The following RERE variants were observed in gnomAD, a reference collection of about 807,000 sequenced individuals.
The protein encoded by RERE is arginine-glutamic acid dipeptide repeats protein.
A neutral mutation model predicts 146.1 loss-of-function variants in RERE; 40 were observed. The observed-to-expected ratio is 0.27, with a 90% CI of 0.21 to 0.36. The LOEUF (loss-of-function observed/expected upper bound fraction) is 0.36. Ranked by LOEUF, RERE falls within the 10% of genes least tolerant of loss-of-function variation. RERE has a pLI of 1.00. For synonymous variants in RERE, 1,003 were observed against 866.0 expected, an observed-to-expected ratio of 1.16 and a Z score of -2.78; for missense variants, 1,933 against 2,138.7, an observed-to-expected ratio of 0.90 and a Z score of 1.90.
In RERE at chr1:8,646,556, C is replaced by CAA. The variant is rs568370827; in HGVS notation, c.325+9415_325+9416dup. Among the ~76,000 whole-genome samples, 20 of 144,286 alleles carry CAA rather than the reference C, an allele frequency of 1.4e-4. No homozygotes were observed. The East Asian group carries it at 3.0e-3, about 22-fold the overall frequency. The allele number at this position is 144,286 out of a possible 152,430, so 94.7% of individuals were successfully genotyped here. On this transcript the variant is annotated intron_variant, in intron 2 of 22. Transcript: ENST00000400908. ...CGCCACTCAAAAAAAAACAAACAAA[C>CAA]AAAAAAAAAACAGGGTCATCATTGC...
At chr1:8,780,044 TAGTC>T (rs1174272736) in intron 1 of RERE, among the ~76,000 whole-genome samples, 1 of 152,032 alleles carries the variant, frequency 6.6e-6, no homozygotes, top group African/African-American at 2.4e-5. Context: ...ATACAAAAAT[TAGTC>T]AGGCATGGTG....
At chr1:8,435,552 A>G (rs1342293749) in intron 11 of RERE, among the ~76,000 whole-genome samples, 1 of 152,206 alleles carries the variant, frequency 6.6e-6, no homozygotes, top group Non-Finnish European at 1.5e-5. Flanking sequence ...CAAACCCACT[A>G]GAGGAACTAC....
At chr1:8,408,390 A>G (rs547175610) in intron 12 of RERE, among the ~76,000 whole-genome samples, 3 of 152,284 alleles carry the variant, frequency 2.0e-5, no homozygotes, top group South Asian at 2.1e-4. Context: ...AGGGAAAAAG[A>G]TTTCACAAAA....
intron 2 of RERE, among the ~76,000 whole-genome samples, chr1:8,643,120 G>T (rs1236091266): frequency 6.6e-6 from 1 of 152,150 alleles, no homozygotes; most frequent in Non-Finnish European, 1.5e-5. Flanking sequence ...TGTGAAAGGT[G>T]GGGGGATCCA....
At position 8,750,590 on chromosome 1, in the gene RERE, A is replaced by T. The variant is rs573093538; in HGVS notation, c.-145+66570T>A. The stretch of plus-strand genomic sequence containing the variant: ...GAAGAAGCTTATTTATGAAAAAGCA[A>T]AGCACTATCACAAGGAATATAGGCA... On this transcript the variant is annotated intron_variant, in intron 1 of 22. Coordinates refer to ENST00000400908, the MANE Select transcript of RERE (RefSeq NM_001042681.2). The T allele has an allele frequency of 2.7e-5, 27 of 1,005,548 alleles. No individual in the cohort carries two copies. The East Asian group carries it at 5.9e-4, about 22-fold the overall frequency. 62.3% of individuals were successfully genotyped at this position (1,005,548 alleles called of 1,614,324 possible). A position where few individuals can be genotyped will look rare whatever the true frequency, so the allele number is the denominator to read the frequency against.
intron 7 of RERE, among the ~76,000 whole-genome samples, chr1:8,535,088 C>T (rs1645707853): frequency 1.3e-5 from 2 of 151,888 alleles, no homozygotes; most frequent in South Asian, 2.1e-4. Flanking sequence ...GCACTTAAAC[C>T]GTACCTACGA....
chr1:8,706,863 A>G (rs1346079984), intron 1 of RERE, among the ~76,000 whole-genome samples: 1 of 152,248 alleles, frequency 6.6e-6, no homozygotes, highest in African/African-American at 2.4e-5. Context: ...AGGAAAAATC[A>G]AAGTTATTAC....
At chr1:8,575,869 C>CGAA (rs1317895004) in intron 4 of RERE, among the ~76,000 whole-genome samples, 1 of 151,992 alleles carries the variant, frequency 6.6e-6, no homozygotes, top group Admixed American at 6.5e-5. Context: ...AACTGAGAAA[C>CGAA]ATTCTACAAT....
chr1:8,574,759 G>A (rs989167743), intron 4 of RERE, among the ~76,000 whole-genome samples: 30 of 152,190 alleles, frequency 2.0e-4, no homozygotes, highest in Non-Finnish European at 2.9e-5. Context: ...AGAGCTCACA[G>A]CAGTAGTTAC....
chr1:8,665,099 C>T (rs1465147685), intron 1 of RERE, among the ~76,000 whole-genome samples: 1 of 152,204 alleles, frequency 6.6e-6, no homozygotes, highest in Non-Finnish European at 1.5e-5. Context: ...ACACTCCTTC[C>T]TACCCAGAGT....
At chr1:8,780,624 C>T (rs1641146621) in intron 1 of RERE, among the ~76,000 whole-genome samples, 1 of 152,096 alleles carries the variant, frequency 6.6e-6, no homozygotes, top group African/African-American at 2.4e-5. Context: ...GTGATTTCAC[C>T]CGCTGGAAAT....
At chr1:8,619,036 AT>A (rs1265271961) in intron 3 of RERE, among the ~76,000 whole-genome samples, 2 of 152,216 alleles carry the variant, frequency 1.3e-5, no homozygotes, top group Non-Finnish European at 2.9e-5. Context: ...AACTGCTCAC[AT>A]TTGACAATGA....
chr1:8,704,936 G>C (rs1054933805), intron 1 of RERE, among the ~76,000 whole-genome samples: 3 of 152,140 alleles, frequency 2.0e-5, no homozygotes, highest in African/African-American at 7.2e-5. Flanking sequence ...CATCCTGAGG[G>C]GGACCTGTGA....
intron 1 of RERE, among the ~76,000 whole-genome samples, chr1:8,657,108 C>T (rs1484966394): frequency 6.6e-6 from 1 of 151,976 alleles, no homozygotes; most frequent in African/African-American, 2.4e-5. Context: ...CAAGATCATC[C>T]TTGCTAATGT....
chr1:8,805,265 C>T (rs1641668150), intron 1 of RERE, among the ~76,000 whole-genome samples: 2 of 152,070 alleles, frequency 1.3e-5, no homozygotes, highest in Non-Finnish European at 2.9e-5. Flanking sequence ...CTAATCCCAG[C>T]ACTTTAGGAA....
intron 2 of RERE, among the ~76,000 whole-genome samples, chr1:8,627,702 A>G (rs756094934): frequency 2.0e-5 from 3 of 152,208 alleles, no homozygotes; most frequent in African/African-American, 4.8e-5. Context: ...TATACTTTAA[A>G]TAATCCATAG....
chr1:8,593,286 A>C lies in RERE; in HGVS notation c.522+21275T>G, dbSNP rs149600395. Reference sequence around the variant, plus strand: ...TCTGATAAGGGTCAGCTGTGTCCCCACCCAAATCTCATCTTGAATTGTAGC... The same window carrying C: ...TCTGATAAGGGTCAGCTGTGTCCCCCCCCAAATCTCATCTTGAATTGTAGC... On this transcript the variant is annotated intron_variant, in intron 4 of 22. Transcript: ENST00000400908. Among the ~76,000 whole-genome samples, 13 of 152,280 alleles carry C rather than the reference A, an allele frequency of 8.5e-5. No individual in the cohort carries two copies. In the East Asian group the frequency reaches 2.3e-3, roughly 27 times the overall value.
At position 8,490,482 on chromosome 1, in the gene RERE, AC is replaced by A. The variant is rs990393444; in HGVS notation, c.1104+4580del. Among the ~76,000 whole-genome samples the A allele has an allele frequency of 3.2e-4, 48 of 150,794 alleles. 1 individual carries two copies. Among genetic ancestry groups the A allele is most frequent in the Admixed American group, 7.2e-4 (11 of 15,264 alleles). On this transcript the variant is annotated intron_variant, in intron 10 of 22. Coordinates refer to ENST00000400908, the MANE Select transcript of RERE (RefSeq NM_001042681.2). Reference sequence around the variant, plus strand: ...GATAAATGTCAACATAAAGACTCATACAACAATGTTGAAAAAACTTTTATTT... The same window carrying A: ...GATAAATGTCAACATAAAGACTCATAAACAATGTTGAAAAAACTTTTATTT...
chr1:8,460,749 C>A (rs1297048585), intron 11 of RERE, among the ~76,000 whole-genome samples: 1 of 152,188 alleles, frequency 6.6e-6, no homozygotes, highest in Non-Finnish European at 1.5e-5. Context: ...TTGTGCAACA[C>A]CTGGATTGTT....
Sources: allele counts gnomAD v4.1 joint callset (sites outside exome capture counted in the v4.1 genomes callset), GRCh38; gene constraint gnomAD v4.1.1; transcripts MANE v1.5; gene names NCBI Gene and HGNC (gene_info 2026-07-23, HGNC 2026-07-21).